The following CEP128 variants were observed in gnomAD, a reference collection of about 807,000 sequenced individuals.
CEP128 encodes the protein centrosomal protein 128.
A neutral mutation model predicts 156.7 loss-of-function variants in CEP128; 132 were observed. The ratio of observed to expected loss-of-function variants is 0.84; its 90% CI spans 0.73 to 0.97. The LOEUF (loss-of-function observed/expected upper bound fraction) is 0.97, where lower values mean the gene tolerates loss of function less well. Ranked by LOEUF, CEP128 falls within the 50% of genes least tolerant of loss-of-function variation. The pLI is 0.00. For missense variants in CEP128, 1,252 were observed against 1,281.9 expected (o/e 0.98, Z 0.36); for synonymous variants, 469 against 448.9 (o/e 1.04, Z -0.57).
At chr14:80,609,227 T>A (rs1453899430) in intron 19 of CEP128, among the ~76,000 whole-genome samples, 1 of 152,162 alleles carries the variant, frequency 6.6e-6, no homozygotes, top group East Asian at 1.9e-4. Flanking sequence ...AGCATTTGGA[T>A]AAGTAAATAT....
At chr14:80,842,247 A>G (rs1221595096) in intron 9 of CEP128, among the ~76,000 whole-genome samples, 1 of 152,024 alleles carries the variant, frequency 6.6e-6, no homozygotes, top group Non-Finnish European at 1.5e-5. Context: ...ATGATAACTT[A>G]AATTCTATTG....
intron 20 of CEP128, among the ~76,000 whole-genome samples, chr14:80,564,425 C>A (rs778084353): frequency 2.0e-5 from 3 of 152,076 alleles, no homozygotes; most frequent in Admixed American, 2.0e-4. Context: ...AGGATTCCCT[C>A]AATATACAAA....
intron 8 of CEP128, among the ~76,000 whole-genome samples, chr14:80,866,923 G>A (rs773731487): frequency 2.6e-5 from 4 of 152,170 alleles, no homozygotes; most frequent in African/African-American, 4.8e-5. Context: ...GCCTGAAACC[G>A]AGGATAGTAT....
At chr14:80,737,254 A>AT (rs1898579683) in intron 19 of CEP128, among the ~76,000 whole-genome samples, 1 of 152,060 alleles carries the variant, frequency 6.6e-6, no homozygotes, top group East Asian at 1.9e-4. Flanking sequence ...TAATACAAAA[A>AT]TTAGCCAGGC....
At chr14:80,808,729 A>G (rs1884331354) in intron 13 of CEP128, among the ~76,000 whole-genome samples, 1 of 152,108 alleles carries the variant, frequency 6.6e-6, no homozygotes, top group Admixed American at 6.5e-5. Context: ...ACCCTAAACC[A>G]CCAAGAAAAC....
rs575472874 is a variant in CEP128, at chr14:80,863,263, A to G, written c.646-390T>C. Among the ~76,000 whole-genome samples the G allele has an allele frequency of 2.0e-5, 3 of 152,260 alleles. No individual in the cohort carries two copies. In the South Asian group the frequency reaches 6.2e-4, roughly 32 times the overall value. On this transcript the variant is annotated intron_variant, in intron 8 of 24. Coordinates refer to ENST00000555265, the MANE Select transcript of CEP128 (RefSeq NM_152446.5). ...CAATTAATGATAAATTGTTCGACCT[A>G]ATTAGTCCTTTTCTATTTTTATTAT...
intron 19 of CEP128, among the ~76,000 whole-genome samples, chr14:80,613,163 C>G (rs887283185): frequency 1.3e-5 from 2 of 151,582 alleles, no homozygotes; most frequent in African/African-American, 4.8e-5. Context: ...GCCCATTGCT[C>G]TTCCAAAAGT....
intron 19 of CEP128, among the ~76,000 whole-genome samples, chr14:80,699,545 A>C (rs979280636): frequency 6.6e-6 from 1 of 151,946 alleles, no homozygotes; most frequent in African/African-American, 2.4e-5. Context: ...TGACATTGTA[A>C]CTTCATTTAG....
chr14:80,835,619 T>C (rs1479007061), intron 12 of CEP128, among the ~76,000 whole-genome samples: 1 of 152,084 alleles, frequency 6.6e-6, no homozygotes, highest in Non-Finnish European at 1.5e-5. Flanking sequence ...TGAATATACA[T>C]CCAGTCATTA....
At chr14:80,784,451 AAAG>A (rs1901289397) in intron 15 of CEP128, among the ~76,000 whole-genome samples, 2 of 152,324 alleles carry the variant, frequency 1.3e-5, no homozygotes, top group East Asian at 1.9e-4. Flanking sequence ...TTGATTTGGA[AAAG>A]AAGGAGTAAA....
At chr14:80,791,621 G>C (rs995779578) in intron 14 of CEP128, among the ~76,000 whole-genome samples, 1 of 152,132 alleles carries the variant, frequency 6.6e-6, no homozygotes, top group Non-Finnish European at 1.5e-5. Flanking sequence ...TCAAGATAGA[G>C]CAATTTCCTG....
chr14:80,738,971 G>A (rs117371542), intron 19 of CEP128, among the ~76,000 whole-genome samples: 1 of 152,282 alleles, frequency 6.6e-6, no homozygotes, highest in East Asian at 1.9e-4. Flanking sequence ...CATATGACAA[G>A]CTTTATGCTT....
intron 4 of CEP128, among the ~76,000 whole-genome samples, chr14:80,910,930 A>G (rs576062749): frequency 6.6e-6 from 1 of 152,366 alleles, no homozygotes; most frequent in African/African-American, 2.4e-5. Flanking sequence ...GGAAACTGAT[A>G]TATAAATGAA....
At chr14:80,607,054 T>C (rs1171880961) in intron 19 of CEP128, among the ~76,000 whole-genome samples, 1 of 151,682 alleles carries the variant, frequency 6.6e-6, no homozygotes, top group African/African-American at 2.4e-5. Flanking sequence ...TATACATATA[T>C]GTACATATAT....
chr14:80,800,321 A>C (rs1266335904), intron 13 of CEP128, among the ~76,000 whole-genome samples: 1 of 152,210 alleles, frequency 6.6e-6, no homozygotes, highest in Non-Finnish European at 1.5e-5. Flanking sequence ...AAGCACCCAA[A>C]AGAGTAACTG....
At position 80,628,548 on chromosome 14, in the gene CEP128, G is replaced by A. The variant is rs191445120; in HGVS notation, c.2807-48125C>T. Among the ~76,000 whole-genome samples, 7 of 152,208 alleles carry A rather than the reference G, an allele frequency of 4.6e-5. No homozygotes were observed. The East Asian group carries it at 1.4e-3, about 29-fold the overall frequency. On this transcript the variant is annotated intron_variant, in intron 19 of 24. Transcript: ENST00000555265. ...GAATGGACATCTGCTGTTTTTGCCTGTCCATTTCCCCCTTTCTCCTAAAAA... is the reference window on the plus strand; with the variant it reads ...GAATGGACATCTGCTGTTTTTGCCTATCCATTTCCCCCTTTCTCCTAAAAA...
intron 4 of CEP128, among the ~76,000 whole-genome samples, chr14:80,907,385 G>A (rs898037207): frequency 4.6e-5 from 7 of 151,940 alleles, no homozygotes; most frequent in African/African-American, 1.5e-4. Flanking sequence ...ATGCAGCATC[G>A]GCGGTTGCTC....
chr14:80,939,898 T>A (rs1254996439), intron 1 of CEP128, among the ~76,000 whole-genome samples: 1 of 152,230 alleles, frequency 6.6e-6, no homozygotes, highest in Non-Finnish European at 1.5e-5. Flanking sequence ...TACTGCTGAA[T>A]GTGGTGACCC....
intron 20 of CEP128, among the ~76,000 whole-genome samples, chr14:80,562,050 C>G (rs1890705156): frequency 1.3e-5 from 2 of 151,610 alleles, no homozygotes; most frequent in Non-Finnish European, 2.9e-5. Context: ...GCCTCAGCCT[C>G]CCAAGTAGCT....
Sources: gnomAD v4.1 joint callset for allele counts (sites outside exome capture counted in the v4.1 genomes callset) on GRCh38, gnomAD v4.1.1 for gene constraint, MANE v1.5 for transcripts, NCBI Gene and HGNC (gene_info 2026-07-23, HGNC 2026-07-21) for gene names.